The following MYH8 variants were observed in gnomAD, a reference collection of about 807,000 sequenced individuals.
The protein encoded by MYH8 is myosin-8.
MYH8 carries 168 observed loss-of-function variants against 233.2 expected under a neutral mutation model. That is an observed-to-expected ratio of 0.72 (90% confidence interval 0.64 to 0.82). The LOEUF is 0.82. Among genes scored for constraint, MYH8 ranks in the 40% least tolerant of loss-of-function variants. The pLI, the probability that MYH8 is intolerant of heterozygous loss-of-function variation, is 0.00. For missense variants in MYH8, 1,995 were observed against 2,327.8 expected (o/e 0.86, Z 2.94); for synonymous variants, 785 against 850.6 (o/e 0.92, Z 1.34).
rs1338838301 is a variant in MYH8, at chr17:10,409,428, A to T, written c.1748T>A (p.Ile583Asn). 1.2e-6 allele frequency: 2 copies of T among 1,614,208 alleles called. No homozygotes were observed. Among genetic ancestry groups the T allele is most frequent in the South Asian group, 2.2e-5 (2 of 91,086 alleles). The stretch of plus-strand genomic sequence containing the variant: ...GTAGTCCACAGTGCCAGCATAGTGA[A>T]TCAGAGAGAAGTGGGCCTCAGCCTT... ...KGKAEAHFSL[I>N]HYAGTVDYNI... is the part of the protein sequence containing the mutation. The change falls in exon 16 of 40, where the codon ATT becomes AAT. Residue 583 changes from isoleucine to asparagine, a missense_variant. Physicochemically the swap from Ile to Asn is moderately radical, Grantham distance 149. Coordinates refer to ENST00000403437, the MANE Select transcript of MYH8 (RefSeq NM_002472.3).
rs1459149569 is a variant in MYH8 at position 10,406,132 on chromosome 17, C to G, written c.2341G>C (p.Asp781His). 1 of 1,613,998 alleles carries G rather than the reference C, an allele frequency of 6.2e-7. No individual in the cohort carries two copies. The highest frequency in any genetic ancestry group is 2.2e-5 in the East Asian group (1 of 44,884). ...GTTATAATTTGGGCTAATTTTTCAT[C>G]TCTCATTTCTTCCAGAAGACCCAGA... ...GLLGLLEEMRDEKLAQIITRT... is the reference protein window; with the variant it reads ...GLLGLLEEMRHEKLAQIITRT... Residue 781 changes from aspartate to histidine, a missense_variant, in exon 21 of 40, where the codon GAT becomes CAT. By Grantham distance (81) the Asp-to-His change is moderately conservative. This residue lies in a region of MYH8 where 1,498 missense variants were observed against 1,680.9 expected (regional missense o/e 0.89). Coordinates refer to ENST00000403437, the MANE Select transcript of MYH8 (RefSeq NM_002472.3).
At chr17:10,405,949 T>C in intron 21 of MYH8, 92 bp downstream of exon 21, 1 of 1,493,308 alleles carries the variant, frequency 6.7e-7, no homozygotes, top group East Asian at 2.3e-5. Context: ...AGAGGAACTA[T>C]TAGCCACCAA....
At chr17:10,402,715 A>G (rs765227510) in intron 22 of MYH8, among the ~76,000 whole-genome samples, 1 of 152,186 alleles carries the variant, frequency 6.6e-6, no homozygotes, top group Non-Finnish European at 1.5e-5. Context: ...AAGGACATGA[A>G]CATTCTCCTA....
At chr17:10,412,842 T>C in intron 12 of MYH8, 114 bp from the exon 13 acceptor site, 1 of 1,073,208 alleles carries the variant, frequency 9.3e-7, no homozygotes, top group Non-Finnish European at 1.4e-6. Context: ...TAAATAATTC[T>C]ATAAAAGGCC....
At position 10,390,551 on chromosome 17, in the gene MYH8, A is replaced by G; in HGVS notation, c.5717T>C (p.Leu1906Pro). ...GTCAGCCCGTTCCTCGGCCTCCTCC[A>G]GCTCATGCTGGAGTTTGCGGAATTT... ...LSKFRKLQHE[L>P]EEAEERADIA... Residue 1906 changes from leucine (L) to proline (P), a missense_variant, in exon 40 of 40, where the codon CTG (leucine) becomes CCG (proline). Leu to Pro is a moderately conservative substitution (Grantham distance 98). Transcript: ENST00000403437. 1.9e-6 allele frequency: 3 copies of G among 1,614,166 alleles called. No individual in the cohort carries two copies. The highest frequency in any genetic ancestry group is 2.5e-6 in the Non-Finnish European group (3 of 1,180,010).
chr17:10,414,128 A>G, intron 11 of MYH8, 64 bp downstream of exon 11: 1 of 1,607,852 alleles, frequency 6.2e-7, no homozygotes, highest in South Asian at 1.1e-5. Context: ...AACCACACCT[A>G]CAGTAGTTTG....
rs574510840 is a variant in MYH8, at chr17:10,409,299, G to A, written c.1877C>T (p.Thr626Met). 5.3e-5 allele frequency: 85 copies of A among 1,614,234 alleles called. No homozygotes were observed. The highest frequency in any genetic ancestry group is 6.2e-5 in the Non-Finnish European group (73 of 1,180,036). Residue 626 changes from threonine to methionine, a missense_variant, in exon 16 of 40, where the codon ACG (threonine) becomes ATG (methionine). By Grantham distance (81) the Thr-to-Met change is moderately conservative. Transcript: ENST00000403437. Reference sequence around the variant, plus strand: ...AGTACCTGCTTCAGCACTAGCATACGTGGAAAAGAGACTGGCTAGAGTCTT... The same window carrying A: ...AGTACCTGCTTCAGCACTAGCATACATGGAAAAGAGACTGGCTAGAGTCTT... ...AMKTLASLFSTYASAEADSSA... is the reference protein window; with the variant it reads ...AMKTLASLFSMYASAEADSSA...
In MYH8 at chr17:10,397,002, G is replaced by A. The variant is rs747246689; in HGVS notation, c.4179-16C>T. 1 of 1,614,086 alleles carries A rather than the reference G, an allele frequency of 6.2e-7. No homozygotes were observed. The highest frequency in any genetic ancestry group is 1.1e-5 in the South Asian group (1 of 91,056). On this transcript the variant is annotated splice_polypyrimidine_tract_variant and intron_variant, in intron 30 of 39. Transcript: ENST00000403437. ...CAACTTTTTCCTGAAAAGTTAGCCA[G>A]GCAGTCAGGAGAATGGCCAAGACCA...
rs771633535 is a variant in MYH8, at chr17:10,393,139, T to A, written c.5238A>T (p.Glu1746Asp). The A allele has an allele frequency of 3.7e-6, 6 of 1,614,252 alleles. No individual in the cohort carries two copies. In the East Asian group the frequency reaches 1.3e-4, roughly 36 times the overall value. ...CTGCATTGCGTGATTCTTGGATTAC[T>A]TCTTCCACTTCACTTTGGAGTTGGG... ...DVSQLQSEVE[E>D]VIQESRNAEE... Residue 1746 changes from glutamate (E) to aspartate (D), a missense_variant, in exon 36 of 40, where the codon GAA becomes GAT. Transcript: ENST00000403437.
chr17:10,418,991 G>C lies in MYH8; in HGVS notation c.250C>G (p.Pro84Ala). The C allele has an allele frequency of 5.6e-6, 9 of 1,614,164 alleles. No individual in the cohort carries two copies. The highest frequency in any genetic ancestry group is 7.6e-6 in the Non-Finnish European group (9 of 1,180,028). Residue 84 changes from proline (P) to alanine (A), a missense_variant, in exon 4 of 40, where the codon CCT (proline) becomes GCT (alanine). Pro to Ala is a conservative substitution (Grantham distance 27). Coordinates refer to ENST00000403437, the MANE Select transcript of MYH8 (RefSeq NM_002472.3). Reference protein sequence around the residue: ...VREDQVFPMNPPKYDKIEDMA... With the variant: ...VREDQVFPMNAPKYDKIEDMA... ...TCCTCAATTTTGTCATATTTCGGAG[G>C]GTTCATAGGGAAGACTTGGTCTTCC...
Position 10,394,420 on chromosome 17 carries a change from C to A in MYH8, c.4995G>T (p.Arg1665=), listed in dbSNP as rs1182352688. Residue 1665 remains arginine, a synonymous_variant, in exon 35 of 40, where the codon CGG becomes CGT. Coordinates refer to ENST00000403437, the MANE Select transcript of MYH8 (RefSeq NM_002472.3). ...GCTGTTCCTTGAGGTCCTCCTGGCC[C>A]CGGAGAGCATCATCCAGGTGGAGCT... ...ETQLHLDDAL[R]GQEDLKEQLA... 4 of 1,614,096 alleles carry A rather than the reference C, an allele frequency of 2.5e-6. No individual in the cohort carries two copies. In the Admixed American group the frequency reaches 5.0e-5, roughly 20 times the overall value.
Position 10,411,992 on chromosome 17 carries a change from T to C in MYH8, c.1416+378A>G, listed in dbSNP as rs180914669. ...TTCTTCTCTATGAAGAAGCCTTGTGTATGGATCAAATGCTGTAGATCTGGG... is the reference window on the plus strand; with the variant it reads ...TTCTTCTCTATGAAGAAGCCTTGTGCATGGATCAAATGCTGTAGATCTGGG... On this transcript the variant is annotated intron_variant, in intron 14 of 39. Transcript: ENST00000403437. 9.5e-4 allele frequency among the ~76,000 whole-genome samples: 144 copies of C among 152,330 alleles called. 1 individual carries two copies. Among genetic ancestry groups the C allele is most frequent in the African/African-American group, 3.3e-3 (136 of 41,576 alleles).
Position 10,415,785 on chromosome 17 carries a change from A to G in MYH8, c.512-77T>C, listed in dbSNP as rs376060391. On this transcript the variant is annotated intron_variant, in intron 5 of 39. Transcript: ENST00000403437. This position sits in a 1 kb window ranked among gnomAD's most constrained non-coding sequence, Gnocchi z 4.1. ...AGTATTGAATCAGTTCAGATCAAAC[A>G]CAGCTTGTTCTTTTTAACTTTTTGA... 2 of 1,487,268 alleles carry G rather than the reference A, an allele frequency of 1.3e-6. No individual in the cohort carries two copies. The highest frequency in any genetic ancestry group is 1.2e-5 in the South Asian group (1 of 83,522). 92.1% of individuals were successfully genotyped at this position (1,487,268 alleles called of 1,614,324 possible).
At chr17:10,394,486 T>C (rs1286830993) in intron 34 of MYH8, 34 bp from the exon 35 acceptor site, 10 of 1,609,914 alleles carry the variant, frequency 6.2e-6, no homozygotes, top group Non-Finnish European at 7.6e-6. Flanking sequence ...CCTTAAGTGT[T>C]CTGAAGAGGA....
Position 10,401,765 on chromosome 17 carries a change from A to C in MYH8, c.2709T>G (p.Asp903Glu). 1 of 1,614,184 alleles carries C rather than the reference A, an allele frequency of 6.2e-7. No homozygotes were observed. Among genetic ancestry groups the C allele is most frequent in the South Asian group, 1.1e-5 (1 of 91,086 alleles). The stretch of plus-strand genomic sequence containing the variant: ...TCAGTTGCTCACACCTTTCCTCTGC[A>C]TCAGCCAAGCTATCTGCTTCCTATG... ...QVQSEADSLA[D>E]AEERCEQLIK... is the part of the protein sequence containing the mutation. The change falls in exon 23 of 40, where the codon GAT (aspartate) becomes GAG (glutamate). Residue 903 changes from aspartate (D) to glutamate (E), a missense_variant. Transcript: ENST00000403437.
At position 10,404,464 on chromosome 17, in the gene MYH8, T is replaced by TC. The variant is rs1278880855; in HGVS notation, c.2553dup (p.Met852AspfsTer14). The stretch of plus-strand genomic sequence containing the variant: ...TGGAATTCTTCCTTCATGGTGGCCA[T>TC]CTCTTTCTCGGTCTCTGCACTCTTG... On this transcript the variant is annotated frameshift_variant, in exon 22 of 40. Coordinates refer to ENST00000403437, the MANE Select transcript of MYH8 (RefSeq NM_002472.3). LOFTEE classifies it high-confidence loss of function. The TC allele has an allele frequency of 6.2e-7, 1 of 1,614,094 alleles. No individual in the cohort carries two copies. The highest frequency in any genetic ancestry group is 1.7e-5 in the Admixed American group (1 of 60,012).
chr17:10,404,684 CAAAT>C (rs942998541), intron 21 of MYH8, 99 bp from the exon 22 acceptor site: 3 of 1,381,320 alleles, frequency 2.2e-6, no homozygotes, highest in African/African-American at 2.9e-5. Flanking sequence ...ATGCCGCTCA[CAAAT>C]AAATATGTCA....
chr17:10,420,090 C>T lies in MYH8; in HGVS notation c.138G>A (p.Lys46=). Residue 46 remains lysine, a synonymous_variant, in exon 3 of 40, where the codon AAG becomes AAA. Transcript: ENST00000403437. ...AKTSVFVAEP[K]ESYVKSTIQS... is the part of the protein sequence containing the mutation. ...GTATAGTGCTCTTCACATAGGATTC[C>T]TTGGGCTCCGCCACAAAGACAGATG... 1 of 1,614,246 alleles carries T rather than the reference C, an allele frequency of 6.2e-7. No homozygotes were observed.
chr17:10,392,510 G>T (rs1224808862), intron 38 of MYH8, 32 bp downstream of exon 38: 7 of 1,568,042 alleles, frequency 4.5e-6, no homozygotes, highest in Non-Finnish European at 6.2e-6. Context: ...TGGGCAGGAA[G>T]AGTGGATATT....
Sources: allele counts gnomAD v4.1 joint callset (sites outside exome capture counted in the v4.1 genomes callset), GRCh38; gene constraint gnomAD v4.1.1; regional missense constraint gnomAD v4.1.1; non-coding constraint Gnocchi (gnomAD v3.1); transcripts MANE v1.5; gene names NCBI Gene and HGNC (gene_info 2026-07-23, HGNC 2026-07-21).